Variants in ARHGEF10 observed in about 807,000 individuals in gnomAD.
ARHGEF10 encodes Rho guanine nucleotide exchange factor 10, also known as Rho guanine nucleotide exchange factor (GEF) 10.
A neutral mutation model predicts 147.4 loss-of-function variants in ARHGEF10; 140 were observed. The observed-to-expected ratio is 0.95, with a 90% confidence interval of 0.83 to 1.09. ARHGEF10 has a LOEUF of 1.09. Among genes scored for constraint, ARHGEF10 ranks in the 50% least tolerant of loss-of-function variants. The pLI is 0.00. For missense variants in ARHGEF10, 2,222 were observed against 1,752.7 expected (o/e 1.27, Z -4.78); for synonymous variants, 902 against 695.8 (o/e 1.30, Z -4.67).
rs1375830894 is a variant in ARHGEF10 at position 1,866,551 on chromosome 8, A to G, written c.571A>G (p.Ser191Gly). 6.2e-7 allele frequency: 1 copy of G among 1,610,300 alleles called. No homozygotes were observed. The highest frequency in any genetic ancestry group is 2.2e-5 in the East Asian group (1 of 44,850). ...TSEDQVGRED[S>G]ALARWAADPA... ...TGAAGATCAAGTCGGTCGAGAGGAC[A>G]GCGCACTTGCCCGCTGGGCCGCAGA... Residue 191 changes from serine (S) to glycine (G), a missense_variant, in exon 6 of 29, where the codon AGC becomes GGC. Transcript: ENST00000349830.
intron 3 of ARHGEF10, chr8:1,858,623 T>C (rs950364992): frequency 6.4e-6 from 1 of 156,572 alleles, no homozygotes; most frequent in Non-Finnish European, 1.4e-5. Context: ...TTTCGCTTTC[T>C]AAGTTTGGAG....
At chr8:1,900,792 G>A (rs1028347496) in intron 15 of ARHGEF10, among the ~76,000 whole-genome samples, 2 of 152,120 alleles carry the variant, frequency 1.3e-5, no homozygotes, top group African/African-American at 2.4e-5. Flanking sequence ...CTTCCAGATC[G>A]TCACCAGCAG....
intron 26 of ARHGEF10, among the ~76,000 whole-genome samples, chr8:1,942,173 G>T (rs1814148859): frequency 6.7e-6 from 1 of 150,358 alleles, no homozygotes; most frequent in African/African-American, 2.5e-5. Context: ...TCAGCAGGGT[G>T]AAAAGACAAC....
intron 2 of ARHGEF10, among the ~76,000 whole-genome samples, chr8:1,853,099 A>C (rs1027245049): frequency 2.1e-5 from 3 of 145,460 alleles, no homozygotes; most frequent in Admixed American, 2.0e-4. Context: ...GGGTGGTTAG[A>C]TTTGGGCTGG....
intron 5 of ARHGEF10, 52 bp from the exon 6 acceptor site, chr8:1,866,474 G>C: frequency 1.3e-6 from 2 of 1,561,540 alleles, no homozygotes; most frequent in Admixed American, 1.7e-5. Context: ...TGGCATCCTA[G>C]TGACTTGGGC....
chr8:1,952,207 G>A (rs1431978756), intron 27 of ARHGEF10, among the ~76,000 whole-genome samples: 1 of 152,180 alleles, frequency 6.6e-6, no homozygotes, highest in African/African-American at 2.4e-5. Context: ...TGGAGAGGCC[G>A]TTCAGTTCCC....
At chr8:1,927,731 T>G (rs1387725463) in intron 23 of ARHGEF10, among the ~76,000 whole-genome samples, 1 of 152,092 alleles carries the variant, frequency 6.6e-6, no homozygotes, top group Non-Finnish European at 1.5e-5. Flanking sequence ...TGGCCAAACA[T>G]AGTGAAACCC....
intron 7 of ARHGEF10, 187 bp from the exon 8 acceptor site, chr8:1,876,383 GC>G (rs571280890): frequency 0.012 from 7,905 of 647,506 alleles, 68 homozygotes; most frequent in Non-Finnish European, 0.017. Flanking sequence ...CCCCGGCCCT[GC>G]CCGGGTGGTG....
intron 18 of ARHGEF10, among the ~76,000 whole-genome samples, chr8:1,915,195 C>T (rs1315782737): frequency 6.6e-6 from 1 of 152,128 alleles, no homozygotes; most frequent in East Asian, 1.9e-4. Context: ...AAAGAGCTCT[C>T]AGAGAGGATG....
intron 18 of ARHGEF10, among the ~76,000 whole-genome samples, chr8:1,920,746 T>G (rs1384544463): frequency 6.6e-6 from 1 of 152,012 alleles, no homozygotes; most frequent in Non-Finnish European, 1.5e-5. Flanking sequence ...TAAATAAAGT[T>G]GCGATGTGTA....
rs756284082 is a variant in ARHGEF10 at position 1,923,812 on chromosome 8, C to G, written c.2426C>G (p.Thr809Arg). The G allele has an allele frequency of 6.2e-7, 1 of 1,614,018 alleles. No individual in the cohort carries two copies. Among genetic ancestry groups the G allele is most frequent in the Non-Finnish European group, 8.5e-7 (1 of 1,180,040 alleles). The part of the protein sequence containing the change: ...RPTFFTAVFN[T>R]FTPAIKESWV... ...ACGTTCTTTACAGCTGTGTTCAATACGTTCACCCCTGCCATCAAGGAGTCC... is the reference window on the plus strand; with the variant it reads ...ACGTTCTTTACAGCTGTGTTCAATAGGTTCACCCCTGCCATCAAGGAGTCC... Residue 809 changes from threonine (T) to arginine (R), a missense_variant, in exon 21 of 29, where the codon ACG becomes AGG. Thr to Arg is a moderately conservative substitution (Grantham distance 71). Coordinates refer to ENST00000349830, the MANE Select transcript of ARHGEF10 (RefSeq NM_014629.4).
chr8:1,844,053 C>T (rs1225123004), intron 2 of ARHGEF10, among the ~76,000 whole-genome samples: 2 of 152,260 alleles, frequency 1.3e-5, no homozygotes, highest in Non-Finnish European at 2.9e-5. Context: ...AGGTCGTCTG[C>T]AGGGCCTGGA....
intron 5 of ARHGEF10, among the ~76,000 whole-genome samples, chr8:1,864,929 C>G (rs558559179): frequency 9.2e-5 from 14 of 152,070 alleles, no homozygotes; most frequent in Admixed American, 6.6e-4. Context: ...TTAGTGGTAG[C>G]GTGTTATCAC....
chr8:1,872,084 G>A (rs56265391), intron 7 of ARHGEF10, among the ~76,000 whole-genome samples: 123 of 151,996 alleles, frequency 8.1e-4, no homozygotes, highest in African/African-American at 2.9e-3. Flanking sequence ...GGAAGGAAAG[G>A]AAGGAAGGAA....
At chr8:1,889,961 AG>A (rs1256936259) in intron 11 of ARHGEF10, among the ~76,000 whole-genome samples, 10 of 112,696 alleles carry the variant, frequency 8.9e-5, no homozygotes, top group African/African-American at 3.2e-4. Context: ...TGAGTGGGGG[AG>A]GGGTATGTGA....
chr8:1,858,240 G>A lies in ARHGEF10; in HGVS notation c.193+125G>A, dbSNP rs188978848. 6.6e-4 allele frequency: 563 copies of A among 858,580 alleles called. 2 individuals carry two copies. In the African/African-American group the frequency reaches 8.7e-3, roughly 13 times the overall value. The allele number at this position is 858,580 out of a possible 1,614,324, so 53.2% of individuals were successfully genotyped here. The stretch of plus-strand genomic sequence containing the variant: ...AGTCCCCAGGTGAGTCCCCAGGTGG[G>A]TCCCCAGGTGAGTCCCCTGGGGGGT... On this transcript the variant is annotated intron_variant, in intron 3 of 28. Coordinates refer to ENST00000349830, the MANE Select transcript of ARHGEF10 (RefSeq NM_014629.4).
chr8:1,909,804 T>G (rs1468850565), intron 18 of ARHGEF10, among the ~76,000 whole-genome samples: 1 of 152,192 alleles, frequency 6.6e-6, no homozygotes, highest in African/African-American at 2.4e-5. Context: ...TGCTGGTCTC[T>G]TGAGTGTGTG....
chr8:1,892,434 A>G (rs550598262), intron 11 of ARHGEF10, among the ~76,000 whole-genome samples: 6 of 152,226 alleles, frequency 3.9e-5, no homozygotes, highest in Admixed American at 2.6e-4. Flanking sequence ...TTTTGCGAAT[A>G]GAATAATCCT....
At position 1,956,787 on chromosome 8, in the gene ARHGEF10, G is replaced by A; in HGVS notation, c.3559G>A (p.Val1187Ile). The A allele has an allele frequency of 6.2e-7, 1 of 1,613,998 alleles. No homozygotes were observed. Among genetic ancestry groups the A allele is most frequent in the Non-Finnish European group, 8.5e-7 (1 of 1,180,036 alleles). The change falls in exon 29 of 29, where the codon GTC becomes ATC. Residue 1187 changes from valine (V) to isoleucine (I), a missense_variant. Transcript: ENST00000349830. ...MVSYHAHNSP[V>I]KFIVLATALH... is the part of the protein sequence containing the mutation. ...CTCCTACCATGCACACAACAGTCCT[G>A]TCAAATTCATCGTCCTGGCCACGGC...
Sources: allele counts gnomAD v4.1 joint callset (sites outside exome capture counted in the v4.1 genomes callset), GRCh38; gene constraint gnomAD v4.1.1; transcripts MANE v1.5; gene names NCBI Gene and HGNC (gene_info 2026-07-23, HGNC 2026-07-21).